The following NCLN variants were observed in gnomAD, a reference collection of about 807,000 sequenced individuals.
NCLN encodes the protein nicalin.
Under a neutral mutation model 69.5 loss-of-function variants are expected in NCLN, and 34 were observed. The ratio of observed to expected loss-of-function variants is 0.49; its 90% CI spans 0.37 to 0.65. The LOEUF is 0.65. Among genes scored for constraint, NCLN ranks in the 30% least tolerant of loss-of-function variants. The pLI is 0.00. For missense variants in NCLN, 710 were observed against 804.8 expected, an observed-to-expected ratio of 0.88 and a Z score of 1.42; for synonymous variants, 393 against 358.3, an observed-to-expected ratio of 1.10 and a Z score of -1.09.
Position 3,207,746 on chromosome 19 carries a change from G to T in NCLN, c.*58G>T. The T allele has an allele frequency of 6.7e-7, 1 of 1,482,056 alleles. No individual in the cohort carries two copies. The highest frequency in any genetic ancestry group is 1.1e-5 in the South Asian group (1 of 87,390). 91.8% of individuals were successfully genotyped at this position (1,482,056 alleles called of 1,614,324 possible). ...CTCCACAGTCCCTGGGGCCGAGCAC[G>T]AGTGAGTGGACACTGCCCCGCCGCG... On this transcript the variant is annotated 3_prime_UTR_variant, in exon 15 of 15. Coordinates refer to ENST00000246117, the MANE Select transcript of NCLN (RefSeq NM_020170.4).
In NCLN at chr19:3,196,225, C is replaced by T; in HGVS notation, c.563C>T (p.Thr188Ile). ...TATANGFQMVTSGVQSKAVSD... is the reference protein window; with the variant it reads ...TATANGFQMVISGVQSKAVSD... Reference sequence around the variant, plus strand: ...ACTGCCAACGGCTTCCAGATGGTCACCAGCGGGGTACAGAGCAAGGCCGTG... The same window carrying T: ...ACTGCCAACGGCTTCCAGATGGTCATCAGCGGGGTACAGAGCAAGGCCGTG... Residue 188 changes from threonine to isoleucine, a missense_variant, in exon 4 of 15, where the codon ACC becomes ATC. Coordinates refer to ENST00000246117, the MANE Select transcript of NCLN (RefSeq NM_020170.4). The T allele has an allele frequency of 6.4e-7, 1 of 1,556,538 alleles. No individual in the cohort carries two copies. The highest frequency in any genetic ancestry group is 1.4e-5 in the African/African-American group (1 of 73,476).
intron 2 of NCLN, 75 bp from the exon 3 acceptor site, chr19:3,193,209 A>G (rs1377336874): frequency 1.5e-6 from 2 of 1,318,882 alleles, no homozygotes; most frequent in Non-Finnish European, 2.1e-6. Context: ...CCCACCAGGG[A>G]CAGTCACTGG....
At chr19:3,203,179 A>G (rs749635949) in intron 6 of NCLN, among the ~76,000 whole-genome samples, 8 of 151,964 alleles carry the variant, frequency 5.3e-5, no homozygotes, top group African/African-American at 1.5e-4. Flanking sequence ...GTGGTGCTGC[A>G]TGCCTGTAAT....
chr19:3,188,418 C>T (rs1298971319), intron 1 of NCLN, among the ~76,000 whole-genome samples: 1 of 152,212 alleles, frequency 6.6e-6, no homozygotes, highest in African/African-American at 2.4e-5. Flanking sequence ...GACGGACGCC[C>T]TCTCCAGCCT....
At chr19:3,189,494 G>C (rs1260617333) in intron 1 of NCLN, among the ~76,000 whole-genome samples, 8 of 152,246 alleles carry the variant, frequency 5.3e-5, no homozygotes, top group African/African-American at 1.7e-4. Context: ...AGAGCCCTAT[G>C]GCCCGAGAGG....
intron 1 of NCLN, among the ~76,000 whole-genome samples, chr19:3,188,844 G>A (rs763825960): frequency 1.6e-4 from 24 of 152,200 alleles, no homozygotes; most frequent in Non-Finnish European, 1.0e-4. Flanking sequence ...CAGGGTAGGC[G>A]AGGCCCAGCC....
At chr19:3,190,413 C>A (rs1431002337) in intron 1 of NCLN, among the ~76,000 whole-genome samples, 2 of 152,112 alleles carry the variant, frequency 1.3e-5, no homozygotes, top group Non-Finnish European at 2.9e-5. Flanking sequence ...GACCTGTGTC[C>A]CGCCTGTCCC....
At position 3,192,577 on chromosome 19, in the gene NCLN, C is replaced by T; in HGVS notation, c.292C>T (p.Gln98Ter). ...RLLDFSYEQY[Q>*]KALRQSAGAV... ...ACTGGACTTCTCCTACGAGCAGTAC[C>T]AGAAGGCCCTGCGGCAGTCGGCGGG... The change falls in exon 2 of 15, where the codon CAG (glutamine) becomes TAG (stop). Residue 98 changes from glutamine to a stop codon, truncating the protein, a stop_gained. Coordinates refer to ENST00000246117, the MANE Select transcript of NCLN (RefSeq NM_020170.4). LOFTEE classifies it high-confidence loss of function. 1 of 1,608,660 alleles carries T rather than the reference C, an allele frequency of 6.2e-7. No homozygotes were observed. The highest frequency in any genetic ancestry group is 1.3e-5 in the African/African-American group (1 of 74,826).
chr19:3,206,369 C>T lies in NCLN; in HGVS notation c.1443C>T (p.His481=), dbSNP rs550842797. The T allele has an allele frequency of 2.2e-5, 34 of 1,548,290 alleles. 1 individual carries two copies. In the African/African-American group the frequency reaches 2.9e-4, roughly 13 times the overall value. ...KDSTFLSTLE[H]HLSRYLKDVK... ...GCACCTTCCTCAGCACGCTGGAGCA[C>T]CACCTGAGCCGCTACCTGAAGGACG... Residue 481 remains histidine, a synonymous_variant, in exon 12 of 15, where the codon CAC becomes CAT. Transcript: ENST00000246117.
At position 3,198,843 on chromosome 19, in the gene NCLN, G is replaced by A. The variant is rs11671067; in HGVS notation, c.642G>A (p.Glu214=). ...GGCGGCTGACGGGGCTGGGCGGAGA[G>A]GACCTTCCCACCATCGTCATCGTGG... ...VEGRLTGLGG[E]DLPTIVIVAH... The change falls in exon 5 of 15, where the codon GAG becomes GAA. Residue 214 remains glutamate, a synonymous_variant. Coordinates refer to ENST00000246117, the MANE Select transcript of NCLN (RefSeq NM_020170.4). 2 of 1,572,714 alleles carry A rather than the reference G, an allele frequency of 1.3e-6. No homozygotes were observed. The highest frequency in any genetic ancestry group is 1.7e-6 in the Non-Finnish European group (2 of 1,160,098).
intron 1 of NCLN, among the ~76,000 whole-genome samples, chr19:3,189,591 T>C (rs1339633409): frequency 3.9e-5 from 6 of 152,238 alleles, no homozygotes; most frequent in African/African-American, 7.2e-5. Flanking sequence ...ACTGGTGACT[T>C]CTCTCAGGAT....
chr19:3,207,572 C>T lies in NCLN; in HGVS notation c.1633-57C>T, dbSNP rs1916305092. On this transcript the variant is annotated intron_variant, in intron 14 of 14. Transcript: ENST00000246117. ...TGGCCCCTGGCTCAGCCTAGAGTCA[C>T]ATGACCTGGGGCTCTGGCCCCGCCC... 6 of 1,609,664 alleles carry T rather than the reference C, an allele frequency of 3.7e-6. 1 individual carries two copies. The South Asian group carries it at 6.6e-5, about 18-fold the overall frequency.
chr19:3,207,781 G>T lies in NCLN; in HGVS notation c.*93G>T. The stretch of plus-strand genomic sequence containing the variant: ...ACACTGCCCCGCCGCGGGCGGCCCT[G>T]CAGGGACAGGGGCCCTCTCCCTCCC... On this transcript the variant is annotated 3_prime_UTR_variant, in exon 15 of 15. Coordinates refer to ENST00000246117, the MANE Select transcript of NCLN (RefSeq NM_020170.4). 8 of 1,101,026 alleles carry T rather than the reference G, an allele frequency of 7.3e-6. No homozygotes were observed. The highest frequency in any genetic ancestry group is 1.1e-5 in the Non-Finnish European group (8 of 728,496). 68.2% of individuals were successfully genotyped at this position (1,101,026 alleles called of 1,614,324 possible).
At chr19:3,189,878 G>T (rs558427408) in intron 1 of NCLN, among the ~76,000 whole-genome samples, 40 of 152,346 alleles carry the variant, frequency 2.6e-4, no homozygotes, top group Admixed American at 2.4e-3. Flanking sequence ...TGGTGCTGAC[G>T]CGAGGCGGGG....
chr19:3,199,093 C>G (rs967605818), intron 5 of NCLN, among the ~76,000 whole-genome samples, 196 bp downstream of exon 5: 1 of 152,210 alleles, frequency 6.6e-6, no homozygotes, highest in African/African-American at 2.4e-5. Context: ...CCGGCTCTTG[C>G]CCCGGGGTCG....
intron 4 of NCLN, 99 bp from the exon 5 acceptor site, chr19:3,198,718 C>A: frequency 1.1e-6 from 1 of 888,644 alleles, no homozygotes; most frequent in Non-Finnish European, 1.7e-6. Context: ...ACCCAGCGGA[C>A]GGGCCCCACG....
chr19:3,198,534 A>G (rs4806916), intron 4 of NCLN, among the ~76,000 whole-genome samples: 1 of 149,660 alleles, frequency 6.7e-6, no homozygotes, highest in Non-Finnish European at 1.5e-5. Flanking sequence ...CACAAACAAA[A>G]AAAAAAAACT....
Position 3,204,161 on chromosome 19 carries a change from T to C in NCLN, c.1029+17T>C, listed in dbSNP as rs28372911. On this transcript the variant is annotated intron_variant, in intron 8 of 14. Transcript: ENST00000246117. Reference sequence around the variant, plus strand: ...CTGGAGACGGTGGGTGCCCCTTTCATGGATGGGTCCGGAGCTCTGCGGAGC... The same window carrying C: ...CTGGAGACGGTGGGTGCCCCTTTCACGGATGGGTCCGGAGCTCTGCGGAGC... The C allele has an allele frequency of 0.069, 104,272 of 1,502,682 alleles. 8,557 individuals are homozygous for C. Among genetic ancestry groups the C allele is most frequent in the East Asian group, 0.41 (17,597 of 43,210 alleles). 93.1% of individuals were successfully genotyped at this position (1,502,682 alleles called of 1,614,324 possible). A position where few individuals can be genotyped will look rare whatever the true frequency, so the allele number is the denominator to read the frequency against.
At chr19:3,191,107 G>A (rs184675970) in intron 1 of NCLN, among the ~76,000 whole-genome samples, 3 of 151,486 alleles carry the variant, frequency 2.0e-5, no homozygotes, top group African/African-American at 4.9e-5. Context: ...GGTGCGTGGC[G>A]GGCAGCAGGG....
Sources: allele counts gnomAD v4.1 joint callset (sites outside exome capture counted in the v4.1 genomes callset), GRCh38; gene constraint gnomAD v4.1.1; transcripts MANE v1.5; gene names NCBI Gene and HGNC (gene_info 2026-07-23, HGNC 2026-07-21).